LAMC3: variants seen among roughly 807,000 people sequenced by gnomAD.
The protein encoded by LAMC3 is laminin subunit gamma-3.
A neutral mutation model predicts 173.8 loss-of-function variants in LAMC3; 128 were observed. The observed-to-expected ratio is 0.74, with a 90% CI of 0.64 to 0.85. The LOEUF is 0.85. Ranked by LOEUF, LAMC3 falls within the 40% of genes least tolerant of loss-of-function variation. The pLI, the probability that LAMC3 is intolerant of heterozygous loss-of-function variation, is 0.00. For synonymous variants in LAMC3, 897 were observed against 909.1 expected (o/e 0.99, Z 0.24); for missense variants, 2,022 against 2,156.0 (o/e 0.94, Z 1.23).
chr9:131,088,722 C>T (rs1459829736), intron 27 of LAMC3, among the ~76,000 whole-genome samples: 2 of 152,294 alleles, frequency 1.3e-5, no homozygotes, highest in East Asian at 1.9e-4. Flanking sequence ...CCTCCTGAAA[C>T]ACTAACCCCC....
chr9:131,053,550 A>G (rs561854242), intron 11 of LAMC3, among the ~76,000 whole-genome samples: 2 of 152,178 alleles, frequency 1.3e-5, no homozygotes, highest in East Asian at 3.9e-4. Flanking sequence ...AAAAATCAAT[A>G]TAGGTCGGGC....
chr9:131,077,676 CAAAAAAAAAAAAAAA>C (rs56320740), intron 22 of LAMC3, among the ~76,000 whole-genome samples: 44 of 27,724 alleles, frequency 1.6e-3, no homozygotes, highest in Middle Eastern at 0.045. Context: ...GACTCCATCT[CAAAAAAAAAAAAAAA>C]AAAAAAAAAA....
intron 27 of LAMC3, among the ~76,000 whole-genome samples, chr9:131,088,692 A>G (rs1230145265): frequency 6.6e-6 from 1 of 152,146 alleles, no homozygotes; most frequent in African/African-American, 2.4e-5. Flanking sequence ...CACTTTCATC[A>G]TCTCCAACTG....
intron 11 of LAMC3, among the ~76,000 whole-genome samples, chr9:131,055,423 C>CTTTTTTTTTTTTTTTTTTTTT (rs56220728): frequency 9.2e-6 from 1 of 109,222 alleles, no homozygotes; most frequent in African/African-American, 3.5e-5. Flanking sequence ...TCTTTTCTTT[C>CTTTTTTTTTTTTTTTTTTTTT]TTTTTTTTTT....
intron 17 of LAMC3, 138 bp from the exon 18 acceptor site, chr9:131,071,346 C>A: frequency 1.0e-6 from 1 of 954,320 alleles, no homozygotes; most frequent in Non-Finnish European, 1.6e-6. Flanking sequence ...GTGTGGCATA[C>A]CCTTAGCGCT....
chr9:131,010,884 G>T (rs1037498617), intron 1 of LAMC3, among the ~76,000 whole-genome samples: 2 of 152,168 alleles, frequency 1.3e-5, no homozygotes, highest in African/African-American at 4.8e-5. Flanking sequence ...CTCCCTCCGT[G>T]TTCAGCCCGA....
intron 1 of LAMC3, among the ~76,000 whole-genome samples, chr9:131,017,632 AG>A: frequency 6.8e-6 from 1 of 147,960 alleles, no homozygotes; most frequent in South Asian, 2.2e-4. Flanking sequence ...AGGCTGAGGC[AG>A]GAGAATCGCT....
At chr9:131,015,301 G>C (rs1035909469) in intron 1 of LAMC3, among the ~76,000 whole-genome samples, 1 of 152,102 alleles carries the variant, frequency 6.6e-6, no homozygotes, top group Non-Finnish European at 1.5e-5. Flanking sequence ...GTACTCCTAA[G>C]CCACGGTGTT....
chr9:131,091,512 T>A, intron 27 of LAMC3, 25 bp from the exon 28 acceptor site: 1 of 1,565,032 alleles, frequency 6.4e-7, no homozygotes, highest in Non-Finnish European at 8.7e-7. Flanking sequence ...TGGCTCACAG[T>A]GAGGCTGTTT....
intron 2 of LAMC3, among the ~76,000 whole-genome samples, chr9:131,028,407 C>T (rs565665962): frequency 9.0e-4 from 137 of 152,330 alleles, no homozygotes; most frequent in Non-Finnish European, 1.1e-3. Flanking sequence ...ACTTTCAGAG[C>T]GTCTCCTTTG....
intron 9 of LAMC3, among the ~76,000 whole-genome samples, chr9:131,050,208 G>A (rs1834255642): frequency 6.6e-6 from 1 of 152,280 alleles, no homozygotes; most frequent in African/African-American, 2.4e-5. Context: ...CACACTGCAG[G>A]GGTGAGATGG....
chr9:131,075,363 C>T (rs779409005), intron 20 of LAMC3, among the ~76,000 whole-genome samples: 1 of 152,166 alleles, frequency 6.6e-6, no homozygotes, highest in Non-Finnish European at 1.5e-5. Context: ...CGCCTGAGGA[C>T]AGGAGGTCGA....
chr9:131,043,612 C>T (rs1045782949), intron 7 of LAMC3, among the ~76,000 whole-genome samples: 10 of 152,150 alleles, frequency 6.6e-5, no homozygotes, highest in African/African-American at 2.2e-4. Flanking sequence ...GTCAAATCCA[C>T]GAATCCATAC....
intron 1 of LAMC3, among the ~76,000 whole-genome samples, chr9:131,011,562 C>G (rs1270661499): frequency 2.6e-5 from 4 of 152,004 alleles, no homozygotes; most frequent in Non-Finnish European, 4.4e-5. Flanking sequence ...TGGCTGCCAC[C>G]TCAGAAACTC....
At chr9:131,076,606 G>A (rs1028972876) in intron 21 of LAMC3, among the ~76,000 whole-genome samples, 2 of 152,204 alleles carry the variant, frequency 1.3e-5, no homozygotes, top group Non-Finnish European at 2.9e-5. Flanking sequence ...GAAGCCAGAG[G>A]TCTCCACCCC....
At chr9:131,076,295 C>CAGCTCCTCTG (rs1028833814) in intron 21 of LAMC3, among the ~76,000 whole-genome samples, 4 of 152,296 alleles carry the variant, frequency 2.6e-5, no homozygotes, top group Non-Finnish European at 4.4e-5. Flanking sequence ...CAGCCCAGGG[C>CAGCTCCTCTG]AGCTCCTCTG....
At chr9:131,079,638 G>A (rs934863472) in intron 23 of LAMC3, among the ~76,000 whole-genome samples, 3 of 152,092 alleles carry the variant, frequency 2.0e-5, no homozygotes, top group African/African-American at 7.2e-5. Context: ...AGGTTGCAGT[G>A]AGCTGAGATC....
At position 131,092,058 on chromosome 9, in the gene LAMC3, TAC is replaced by T; in HGVS notation, c.*276_*277del. ...CGGGCACACCCCAGTGTCAATAACA[TAC>T]ACACGTGAGGGTGCATGTCTGTGTG... is the stretch of plus-strand genomic sequence containing the variant. On this transcript the variant is annotated 3_prime_UTR_variant, in exon 28 of 28. Coordinates refer to ENST00000361069, the MANE Select transcript of LAMC3 (RefSeq NM_006059.4). The T allele has an allele frequency of 1.9e-6, 1 of 533,668 alleles. No individual in the cohort carries two copies. The highest frequency in any genetic ancestry group is 3.3e-5 in the East Asian group (1 of 30,616). 33.1% of individuals were successfully genotyped at this position (533,668 alleles called of 1,614,324 possible). A position where few individuals can be genotyped will look rare whatever the true frequency, so the allele number is the denominator to read the frequency against.
intron 1 of LAMC3, among the ~76,000 whole-genome samples, chr9:131,023,258 A>G (rs1052088952): frequency 6.6e-6 from 1 of 152,102 alleles, no homozygotes; most frequent in Non-Finnish European, 1.5e-5. Flanking sequence ...TTTTGCGTGG[A>G]TGTATATGTT....
Sources: gnomAD v4.1 joint callset for allele counts (sites outside exome capture counted in the v4.1 genomes callset) on GRCh38, gnomAD v4.1.1 for gene constraint, MANE v1.5 for transcripts, NCBI Gene and HGNC (gene_info 2026-07-23, HGNC 2026-07-21) for gene names.